ADAMTS9: variants seen among roughly 807,000 people sequenced by gnomAD.
ADAMTS9 encodes the protein ADAM metallopeptidase with thrombospondin type 1 motif 9.
Under a neutral mutation model 257.1 loss-of-function variants are expected in ADAMTS9, and 107 were observed. The ratio of observed to expected loss-of-function variants is 0.42; its 90% CI spans 0.36 to 0.49. ADAMTS9 has a LOEUF of 0.49. Ranked by LOEUF, ADAMTS9 falls within the 20% of genes least tolerant of loss-of-function variation. ADAMTS9 has a pLI of 0.03. For synonymous variants in ADAMTS9, 982 were observed against 880.9 expected (o/e 1.11, Z -2.03); for missense variants, 2,353 against 2,469.1 (o/e 0.95, Z 1.00).
chr3:64,578,681 T>C (rs1256549213), intron 28 of ADAMTS9, among the ~76,000 whole-genome samples: 1 of 152,230 alleles, frequency 6.6e-6, no homozygotes, highest in East Asian at 1.9e-4. Flanking sequence ...AGTCCTGCTC[T>C]TCCTCCACAA....
chr3:64,621,307 G>C, intron 18 of ADAMTS9, 67 bp from the exon 19 acceptor site: 1 of 1,508,654 alleles, frequency 6.6e-7, no homozygotes, highest in Non-Finnish European at 8.9e-7. Context: ...TTAGACCCCG[G>C]ATTGGCAAGC....
chr3:64,647,535 A>G (rs900409949), intron 11 of ADAMTS9, among the ~76,000 whole-genome samples: 3 of 152,244 alleles, frequency 2.0e-5, no homozygotes, highest in South Asian at 2.1e-4. Flanking sequence ...TAGATGTACT[A>G]TATTTCTACA....
chr3:64,687,864 C>T lies in ADAMTS9; in HGVS notation c.-207G>A. The T allele has an allele frequency of 4.6e-6, 2 of 433,780 alleles. No homozygotes were observed. The highest frequency in any genetic ancestry group is 8.3e-6 in the Non-Finnish European group (2 of 240,118). The allele number at this position is 433,780 out of a possible 1,614,324, so 26.9% of individuals were successfully genotyped here. ...ACGCCGCCGCCTGCCGAGAGCTGAGCCGCTCGGGCCGCAGGAGGAGCCGGA... is the reference window on the plus strand; with the variant it reads ...ACGCCGCCGCCTGCCGAGAGCTGAGTCGCTCGGGCCGCAGGAGGAGCCGGA... On this transcript the variant is annotated 5_prime_UTR_variant, in exon 1 of 40. Transcript: ENST00000498707. This position sits in a 1 kb window ranked among gnomAD's most constrained non-coding sequence, Gnocchi z 4.4.
chr3:64,639,314 A>ATTTTTT (rs1559805129), intron 12 of ADAMTS9, among the ~76,000 whole-genome samples: 140 of 79,790 alleles, frequency 1.8e-3, no homozygotes, highest in South Asian at 4.2e-3. Context: ...TTTTTTTTTA[A>ATTTTTT]AAAAAAAAAA....
At chr3:64,630,682 C>A (rs1408330149) in intron 16 of ADAMTS9, among the ~76,000 whole-genome samples, 2 of 152,184 alleles carry the variant, frequency 1.3e-5, no homozygotes, top group East Asian at 3.9e-4. Context: ...GGGCTTAATA[C>A]CTAGGTGAGG....
chr3:64,572,444 A>T (rs11130973), intron 28 of ADAMTS9, among the ~76,000 whole-genome samples: 94,331 of 152,028 alleles, frequency 0.62, 31,972 homozygotes, highest in African/African-American at 0.88. Context: ...GCAGACGAAT[A>T]TGGGTTTGGT....
Position 64,616,023 on chromosome 3 carries a change from G to C in ADAMTS9, c.2961C>G (p.Ser987Arg). ...DGFCSSHPKPSNREKCSGECN... is the reference protein window; with the variant it reads ...DGFCSSHPKPRNREKCSGECN... ...ATTCCCCTGAGCATTTTTCACGGTT[G>C]CTTGGTTTGGGATGGCTGCTGCAAA... Residue 987 changes from serine (S) to arginine (R), a missense_variant, in exon 20 of 40, where the codon AGC (serine) becomes AGG (arginine). By Grantham distance (110) the Ser-to-Arg change is moderately radical. This residue lies in a region of ADAMTS9 where 1,402 missense variants were observed against 1,441.4 expected (regional missense o/e 0.97). Coordinates refer to ENST00000498707, the MANE Select transcript of ADAMTS9 (RefSeq NM_182920.2). The C allele has an allele frequency of 5.6e-6, 9 of 1,613,992 alleles. No individual in the cohort carries two copies. Among genetic ancestry groups the C allele is most frequent in the Non-Finnish European group, 7.6e-6 (9 of 1,179,988 alleles).
chr3:64,608,251 C>G (rs1037863773), intron 22 of ADAMTS9, among the ~76,000 whole-genome samples: 1 of 51,742 alleles, frequency 1.9e-5, no homozygotes, highest in African/African-American at 1.2e-4. Flanking sequence ...TAACAGCAAA[C>G]TAAAACCAAA....
intron 39 of ADAMTS9, among the ~76,000 whole-genome samples, chr3:64,518,528 G>A (rs1022397599): frequency 2.6e-5 from 4 of 152,120 alleles, no homozygotes; most frequent in Admixed American, 6.6e-5. Flanking sequence ...AGGGATTGCC[G>A]AACTTTAACA....
At chr3:64,624,609 T>C (rs77101924) in intron 16 of ADAMTS9, among the ~76,000 whole-genome samples, 3,031 of 152,296 alleles carry the variant, frequency 0.02, 101 homozygotes, top group African/African-American at 0.069. Context: ...TTTTCTAAAA[T>C]TGACTCCCTT....
At chr3:64,674,783 GC>G (rs1406799204) in intron 3 of ADAMTS9, among the ~76,000 whole-genome samples, 1 of 152,198 alleles carries the variant, frequency 6.6e-6, no homozygotes, top group East Asian at 1.9e-4. Flanking sequence ...TTTACCGAAA[GC>G]CCCCTCAGGG....
chr3:64,586,889 C>G (rs1465816598), intron 28 of ADAMTS9: 1 of 152,152 alleles, frequency 6.6e-6, no homozygotes, highest in African/African-American at 2.4e-5. Context: ...CTTCCTGAAA[C>G]TTTTCCTTCA....
chr3:64,644,651 C>A (rs1700739574), intron 11 of ADAMTS9, among the ~76,000 whole-genome samples: 1 of 152,194 alleles, frequency 6.6e-6, no homozygotes, highest in South Asian at 2.1e-4. Flanking sequence ...AAGTCAGACT[C>A]CATGGCTGGA....
At chr3:64,629,584 T>C (rs1323951565) in intron 16 of ADAMTS9, among the ~76,000 whole-genome samples, 1 of 152,238 alleles carries the variant, frequency 6.6e-6, no homozygotes, top group African/African-American at 2.4e-5. Context: ...ATCTCACCCT[T>C]GGTATCCCGA....
At chr3:64,551,169 G>A (rs1330172903) in intron 30 of ADAMTS9, 107 bp from the exon 31 acceptor site, 5 of 1,281,384 alleles carry the variant, frequency 3.9e-6, no homozygotes, top group Admixed American at 2.4e-5. Context: ...TAAGAGCCCT[G>A]AGGGCAGGGA....
At chr3:64,554,531 T>C (rs898197907) in intron 30 of ADAMTS9, among the ~76,000 whole-genome samples, 2 of 152,196 alleles carry the variant, frequency 1.3e-5, no homozygotes, top group Non-Finnish European at 2.9e-5. Flanking sequence ...GATTTATGAC[T>C]CTTTCCCCTG....
At chr3:64,548,285 TC>T (rs1391308009) in intron 31 of ADAMTS9, among the ~76,000 whole-genome samples, 2 of 152,262 alleles carry the variant, frequency 1.3e-5, no homozygotes, top group African/African-American at 2.4e-5. Context: ...CCCTAGGCCT[TC>T]CCTTCCAGTT....
intron 6 of ADAMTS9, among the ~76,000 whole-genome samples, chr3:64,654,908 C>T (rs1055074923): frequency 3.3e-5 from 5 of 152,232 alleles, no homozygotes; most frequent in Non-Finnish European, 2.9e-5. Context: ...ATTCCAGTTT[C>T]GTAAAGACTC....
chr3:64,680,592 C>T (rs1239628875), intron 3 of ADAMTS9, among the ~76,000 whole-genome samples: 1 of 152,028 alleles, frequency 6.6e-6, no homozygotes, highest in Non-Finnish European at 1.5e-5. Flanking sequence ...AGAATCTGGC[C>T]AGGATGGAAG....
Sources: allele counts gnomAD v4.1 joint callset (sites outside exome capture counted in the v4.1 genomes callset), GRCh38; gene constraint gnomAD v4.1.1; regional missense constraint gnomAD v4.1.1; non-coding constraint Gnocchi (gnomAD v3.1); transcripts MANE v1.5; gene names NCBI Gene and HGNC (gene_info 2026-07-23, HGNC 2026-07-21).